Variants in LY6S observed in about 807,000 individuals in gnomAD.
LY6S encodes the protein lymphocyte antigen 6S.
chr8:143,072,791 G>A, the LY6S span, among the ~76,000 whole-genome samples: 5 of 121,776 alleles, frequency 4.1e-5, no homozygotes, highest in East Asian at 2.7e-4. Flanking sequence ...CGTCCCCGGG[G>A]TCCCTGTTTG....
chr8:143,051,502 T>C, the LY6S span, among the ~76,000 whole-genome samples: 628 of 148,752 alleles, frequency 4.2e-3, 5 homozygotes, highest in African/African-American at 0.015. Context: ...GATCGCACCA[T>C]TGCACTCCAG....
At chr8:143,041,788 G>A in the LY6S span, among the ~76,000 whole-genome samples, 1 of 152,206 alleles carries the variant, frequency 6.6e-6, no homozygotes, top group East Asian at 1.9e-4. Context: ...GCTTCAGCCG[G>A]TCCCTCTGTT....
the LY6S span, among the ~76,000 whole-genome samples, chr8:143,065,762 CTT>C: frequency 6.7e-6 from 1 of 148,838 alleles, no homozygotes; most frequent in Non-Finnish European, 1.5e-5. Context: ...TTCTTTCTTT[CTT>C]TCTTTTCTCT....
chr8:143,056,243 T>C, the LY6S span, among the ~76,000 whole-genome samples: 1 of 148,092 alleles, frequency 6.8e-6, no homozygotes, highest in East Asian at 2.0e-4. Context: ...AAAACACATT[T>C]ATCAACCTGA....
the LY6S span, among the ~76,000 whole-genome samples, chr8:143,062,410 G>A: frequency 6.6e-6 from 1 of 152,220 alleles, no homozygotes; most frequent in Non-Finnish European, 1.5e-5. Flanking sequence ...GCTCACGCCT[G>A]TAATCCCAGC....
the LY6S span, chr8:143,044,214 C>T: frequency 1.4e-3 from 640 of 456,260 alleles, 2 homozygotes; most frequent in African/African-American, 0.011. Flanking sequence ...TCACAGCCTG[C>T]GCCTCTCCTG....
the LY6S span, among the ~76,000 whole-genome samples, chr8:143,052,578 G>A: frequency 6.6e-6 from 1 of 152,204 alleles, no homozygotes; most frequent in African/African-American, 2.4e-5. Flanking sequence ...TTTACCGGTT[G>A]GGTGGAAGCT....
At chr8:143,071,801 G>T in the LY6S span, among the ~76,000 whole-genome samples, 436 of 152,252 alleles carry the variant, frequency 2.9e-3, no homozygotes, top group African/African-American at 9.0e-3. Flanking sequence ...CCCCAGGAAA[G>T]GAGGGTCTCC....
the LY6S span, among the ~76,000 whole-genome samples, chr8:143,073,263 C>CCTGTTTGAGGAGACAGCCGTCGTCCCA: frequency 7.1e-6 from 1 of 141,838 alleles, no homozygotes; most frequent in African/African-American, 2.8e-5. Flanking sequence ...CTGTCGTCCT[C>CCTGTTTGAGGAGACAGCCGTCGTCCCA]GGGGTCCCTG....
At chr8:143,059,188 G>A in the LY6S span, among the ~76,000 whole-genome samples, 2 of 151,860 alleles carry the variant, frequency 1.3e-5, no homozygotes, top group Non-Finnish European at 2.9e-5. Flanking sequence ...GCCACCGTAT[G>A]CGGCCACATC....
chr8:143,043,342 C>G, the LY6S span: 1 of 973,828 alleles, frequency 1.0e-6, no homozygotes. Flanking sequence ...ACTTTACCTG[C>G]GAGAGAGCGG....
the LY6S span, chr8:143,057,945 T>C: frequency 1.8e-6 from 1 of 554,722 alleles, no homozygotes; most frequent in Non-Finnish European, 3.2e-6. Flanking sequence ...CTCAGCGTCG[T>C]CTCTGTCTGA....
At chr8:143,068,364 AT>A in the LY6S span, among the ~76,000 whole-genome samples, 54 of 152,212 alleles carry the variant, frequency 3.5e-4, no homozygotes, top group African/African-American at 1.1e-3. Flanking sequence ...AAGCAGAACA[AT>A]TTTTCCTAGT....
the LY6S span, among the ~76,000 whole-genome samples, chr8:143,043,778 C>T: frequency 0.048 from 7,270 of 152,208 alleles, 490 homozygotes; most frequent in East Asian, 0.15. Flanking sequence ...TGGGTTCAAG[C>T]GATTCTCCTG....
the LY6S span, chr8:143,043,109 C>T: frequency 1.3e-4 from 184 of 1,367,104 alleles, no homozygotes; most frequent in Non-Finnish European, 1.6e-4. Flanking sequence ...GGGGAGAGGG[C>T]GGGAAAGGCC....
the LY6S span, among the ~76,000 whole-genome samples, chr8:143,046,789 C>T: frequency 6.6e-6 from 1 of 151,794 alleles, no homozygotes; most frequent in African/African-American, 2.4e-5. Flanking sequence ...CACCTGAGGT[C>T]AGGAGTTCGA....
At chr8:143,054,431 C>A in the LY6S span, 2 of 152,136 alleles carry the variant, frequency 1.3e-5, no homozygotes, top group Non-Finnish European at 2.9e-5. Flanking sequence ...GCCCAGTGAC[C>A]ACTGCCAACA....
chr8:143,057,842 C>G, the LY6S span: 1 of 734,310 alleles, frequency 1.4e-6, no homozygotes, highest in Admixed American at 1.8e-5. Context: ...GCTCCTGCAG[C>G]TGGCCTGACT....
chr8:143,068,563 A>G, the LY6S span, among the ~76,000 whole-genome samples: 2 of 152,064 alleles, frequency 1.3e-5, no homozygotes, highest in Non-Finnish European at 2.9e-5. Context: ...CAATACCAAG[A>G]GCCAATTAAA....
Sources: gnomAD v4.1 joint callset for allele counts (sites outside exome capture counted in the v4.1 genomes callset) on GRCh38, gnomAD v4.1.1 for gene constraint, MANE v1.5 for transcripts, NCBI Gene and HGNC (gene_info 2026-07-23, HGNC 2026-07-21) for gene names.